Variants in CRPPA observed in about 807,000 individuals in gnomAD.
CRPPA encodes CDP-L-ribitol pyrophosphorylase A.
CRPPA carries 43 observed loss-of-function variants against 52.0 expected under a neutral mutation model. The ratio of observed to expected loss-of-function variants is 0.83; its 90% confidence interval spans 0.65 to 1.07. CRPPA has a LOEUF of 1.07. CRPPA is among the 50% of genes least tolerant of loss of function. The probability of loss-of-function intolerance (pLI) is 0.00; values close to 1 mark genes in which losing one functional copy is unlikely to be tolerated. For missense variants in CRPPA, 629 were observed against 551.7 expected (o/e 1.14, Z -1.40); for synonymous variants, 250 against 203.5 (o/e 1.23, Z -1.94).
intron 8 of CRPPA, among the ~76,000 whole-genome samples, chr7:16,228,280 G>T: frequency 6.6e-6 from 1 of 151,732 alleles, no homozygotes; most frequent in African/African-American, 2.4e-5. Context: ...TAGTTTCGTA[G>T]ATCTATTCTA....
intron 9 of CRPPA, among the ~76,000 whole-genome samples, chr7:16,195,301 C>T (rs975708395): frequency 3.3e-5 from 5 of 152,040 alleles, no homozygotes; most frequent in Middle Eastern, 3.2e-3. Flanking sequence ...CAAGTATTTC[C>T]ATTGAGATTT....
chr7:16,251,694 A>T (rs1392069264), intron 8 of CRPPA, among the ~76,000 whole-genome samples: 3 of 152,196 alleles, frequency 2.0e-5, no homozygotes, highest in Non-Finnish European at 2.9e-5. Flanking sequence ...ACCAAGACAC[A>T]ACATACCAGA....
At chr7:16,243,573 A>G (rs1783184791) in intron 8 of CRPPA, among the ~76,000 whole-genome samples, 1 of 152,228 alleles carries the variant, frequency 6.6e-6, no homozygotes, top group African/African-American at 2.4e-5. Context: ...AAAGGAGAAT[A>G]ATGACTGAAG....
chr7:16,110,580 G>A (rs1777347131), intron 9 of CRPPA, among the ~76,000 whole-genome samples: 1 of 151,848 alleles, frequency 6.6e-6, no homozygotes, highest in African/African-American at 2.4e-5. Context: ...GGGAGAGAGA[G>A]ACATACACAA....
chr7:16,415,960 C>T (rs1484967164), intron 1 of CRPPA, among the ~76,000 whole-genome samples: 1 of 152,078 alleles, frequency 6.6e-6, no homozygotes, highest in African/African-American at 2.4e-5. Context: ...GTTCAAAATT[C>T]CAAAAGACAA....
intron 9 of CRPPA, among the ~76,000 whole-genome samples, chr7:16,123,335 A>G (rs924468857): frequency 6.6e-6 from 1 of 152,094 alleles, no homozygotes; most frequent in Non-Finnish European, 1.5e-5. Context: ...AATCCATTTA[A>G]CTTGGAGAAG....
At chr7:16,377,524 G>A (rs560780071) in intron 2 of CRPPA, among the ~76,000 whole-genome samples, 130 of 152,338 alleles carry the variant, frequency 8.5e-4, no homozygotes, top group African/African-American at 3.0e-3. Context: ...AAGGAGCTCT[G>A]CAGACTCCGT....
chr7:16,127,156 AC>A (rs1162003951), intron 9 of CRPPA, among the ~76,000 whole-genome samples: 1 of 152,182 alleles, frequency 6.6e-6, no homozygotes, highest in Non-Finnish European at 1.5e-5. Flanking sequence ...AATAATATAA[AC>A]TTTTAATTAG....
At chr7:16,215,501 C>A (rs1010062076) in intron 9 of CRPPA, among the ~76,000 whole-genome samples, 2 of 152,184 alleles carry the variant, frequency 1.3e-5, no homozygotes, top group African/African-American at 4.8e-5. Context: ...AAGACAGTGA[C>A]AATGAATGCA....
rs1562643017 is a variant in CRPPA, at chr7:16,342,764, A to ATCTCC, written c.684+33327_684+33328insGGAGA. 1.8e-3 allele frequency among the ~76,000 whole-genome samples: 10 copies of ATCTCC among 5,690 alleles called. 1 individual carries two copies. The highest frequency in any genetic ancestry group is 0.016 in the South Asian group (3 of 190). 3.7% of individuals were successfully genotyped at this position (5,690 alleles called of 152,430 possible). A position where few individuals can be genotyped will look rare whatever the true frequency, so the allele number is the denominator to read the frequency against. On this transcript the variant is annotated intron_variant, in intron 3 of 9. Coordinates refer to ENST00000407010, the MANE Select transcript of CRPPA (RefSeq NM_001101426.4). The stretch of plus-strand genomic sequence containing the variant: ...GCAACAGGATGAACCCTGTCTCCAC[A>ATCTCC]AAAAAAAAAAAAAAAAAAATATATA...
intron 6 of CRPPA, among the ~76,000 whole-genome samples, chr7:16,272,655 A>G (rs1784115520): frequency 6.6e-6 from 1 of 152,224 alleles, no homozygotes; most frequent in Non-Finnish European, 1.5e-5. Flanking sequence ...AAGGGAAGGG[A>G]AAAAGTATAT....
intron 9 of CRPPA, among the ~76,000 whole-genome samples, chr7:16,213,458 C>T (rs1167105116): frequency 6.6e-6 from 1 of 151,366 alleles, no homozygotes; most frequent in East Asian, 1.9e-4. Context: ...TTTTAAAAAA[C>T]AAAAATTTGG....
At chr7:16,417,112 T>C (rs1788213201) in intron 1 of CRPPA, among the ~76,000 whole-genome samples, 1 of 151,894 alleles carries the variant, frequency 6.6e-6, no homozygotes, top group South Asian at 2.1e-4. Flanking sequence ...ACACCAGTCA[T>C]GATGACTATT....
intron 3 of CRPPA, among the ~76,000 whole-genome samples, chr7:16,313,784 T>C (rs964930448): frequency 6.6e-6 from 1 of 152,044 alleles, no homozygotes; most frequent in African/African-American, 2.4e-5. Flanking sequence ...AAGAGTATGT[T>C]GTTTAGTCTA....
intron 8 of CRPPA, among the ~76,000 whole-genome samples, chr7:16,232,057 G>T (rs2128403262): frequency 6.6e-6 from 1 of 152,230 alleles, no homozygotes; most frequent in South Asian, 2.1e-4. Context: ...CACAGTGAGA[G>T]AGCTCTATAG....
At chr7:16,167,076 C>A (rs1781082951) in intron 9 of CRPPA, among the ~76,000 whole-genome samples, 1 of 151,948 alleles carries the variant, frequency 6.6e-6, no homozygotes, top group Admixed American at 6.6e-5. Context: ...CTACAGGGGC[C>A]TGCCACCATG....
intron 9 of CRPPA, among the ~76,000 whole-genome samples, chr7:16,101,054 C>T (rs1029172779): frequency 2.0e-5 from 3 of 152,106 alleles, no homozygotes; most frequent in Non-Finnish European, 4.4e-5. Flanking sequence ...ATTGGCTTGC[C>T]AGTATTTTAT....
chr7:16,392,306 T>A (rs1787466336), intron 2 of CRPPA, among the ~76,000 whole-genome samples: 1 of 152,134 alleles, frequency 6.6e-6, no homozygotes, highest in Admixed American at 6.6e-5. Context: ...AATAGAAATG[T>A]CAGCCTTACA....
At chr7:16,325,330 GAAAATT>G (rs1419861259) in intron 3 of CRPPA, among the ~76,000 whole-genome samples, 1 of 152,160 alleles carries the variant, frequency 6.6e-6, no homozygotes, top group Admixed American at 6.5e-5. Flanking sequence ...AAGCAGTTGG[GAAAATT>G]AAAAATAGAT....
Sources: gnomAD v4.1 joint callset for allele counts (sites outside exome capture counted in the v4.1 genomes callset) on GRCh38, gnomAD v4.1.1 for gene constraint, MANE v1.5 for transcripts, NCBI Gene and HGNC (gene_info 2026-07-23, HGNC 2026-07-21) for gene names.